The following WDFY4 variants were observed in gnomAD, a reference collection of about 807,000 sequenced individuals.
The protein encoded by WDFY4 is WD repeat- and FYVE domain-containing protein 4.
WDFY4 carries 169 observed loss-of-function variants against 351.9 expected under a neutral mutation model. The observed-to-expected ratio is 0.48, with a 90% CI of 0.42 to 0.55. The LOEUF (loss-of-function observed/expected upper bound fraction) is 0.55, where lower values mean the gene tolerates loss of function less well. Ranked by LOEUF, WDFY4 falls within the 20% of genes least tolerant of loss-of-function variation. The pLI, the probability that WDFY4 is intolerant of heterozygous loss-of-function variation, is 0.00. For synonymous variants in WDFY4, 1,622 were observed against 1,574.6 expected (o/e 1.03, Z -0.71); for missense variants, 3,803 against 3,935.6 (o/e 0.97, Z 0.90).
intron 47 of WDFY4, among the ~76,000 whole-genome samples, chr10:48,907,062 A>C (rs1837651795): frequency 1.3e-5 from 2 of 152,206 alleles, no homozygotes; most frequent in Admixed American, 1.3e-4. Context: ...CAAAAAGAGT[A>C]CTGGGGAACC....
intron 47 of WDFY4, chr10:48,913,836 C>G (rs779947795): frequency 1.2e-6 from 2 of 1,613,884 alleles, no homozygotes; most frequent in Admixed American, 3.3e-5. Flanking sequence ...GCTGGTCAGC[C>G]GGTTGTTGCT....
intron 13 of WDFY4, among the ~76,000 whole-genome samples, chr10:48,771,193 C>T (rs564957508): frequency 2.6e-5 from 4 of 152,332 alleles, no homozygotes; most frequent in African/African-American, 7.2e-5. Flanking sequence ...GTGTAAATAT[C>T]TTTCTTCATA....
At chr10:48,914,104 C>A (rs765342136) in intron 47 of WDFY4, 2 of 1,614,176 alleles carry the variant, frequency 1.2e-6, no homozygotes, top group African/African-American at 1.3e-5. Context: ...CAATTCCTGG[C>A]CACCTTGAGG....
At chr10:48,759,919 C>T (rs575316777) in intron 12 of WDFY4, among the ~76,000 whole-genome samples, 10 of 151,922 alleles carry the variant, frequency 6.6e-5, no homozygotes, top group Non-Finnish European at 1.2e-4. Context: ...ATTCGGTATT[C>T]AGGGGGTGGG....
chr10:48,750,151 A>G (rs140398360), intron 12 of WDFY4, among the ~76,000 whole-genome samples: 90 of 152,350 alleles, frequency 5.9e-4, no homozygotes, highest in African/African-American at 1.8e-3. Flanking sequence ...GGTATGAGTT[A>G]TATCTGTCAC....
chr10:48,913,828 T>C (rs1375728486), intron 47 of WDFY4: 1 of 1,614,012 alleles, frequency 6.2e-7, no homozygotes, highest in African/African-American at 1.3e-5. Context: ...AGCCCGTTGC[T>C]GGTCAGCCGG....
At position 48,787,909 on chromosome 10, in the gene WDFY4, C is replaced by CTTTCTTTCT. The variant is rs1565198732; in HGVS notation, c.3809-619_3809-618insTCTTTCTTT. On this transcript the variant is annotated intron_variant, in intron 20 of 61. Coordinates refer to ENST00000325239, the MANE Select transcript of WDFY4 (RefSeq NM_001394531.1). ...TCTTCTTCTCCTTCTTCTTCTTCTT[C>CTTTCTTTCT]TTCTTCTTCTTCTTCTTCTTCTTCT... is the stretch of plus-strand genomic sequence containing the variant. 7.9e-5 allele frequency among the ~76,000 whole-genome samples: 3 copies of CTTTCTTTCT among 37,750 alleles called. 1 individual carries two copies. Among genetic ancestry groups the CTTTCTTTCT allele is most frequent in the African/African-American group, 3.0e-4 (2 of 6,746 alleles). The allele number at this position is 37,750 out of a possible 152,430, so 24.8% of individuals were successfully genotyped here. A position where few individuals can be genotyped will look rare whatever the true frequency, so the allele number is the denominator to read the frequency against.
At chr10:48,886,281 G>A (rs1401217864) in intron 43 of WDFY4, among the ~76,000 whole-genome samples, 2 of 152,174 alleles carry the variant, frequency 1.3e-5, no homozygotes, top group Non-Finnish European at 2.9e-5. Flanking sequence ...ACTGAGGCCT[G>A]ACTTTAGAAG....
At chr10:48,755,161 A>G (rs545684470) in intron 12 of WDFY4, among the ~76,000 whole-genome samples, 1 of 152,256 alleles carries the variant, frequency 6.6e-6, no homozygotes, top group East Asian at 1.9e-4. Context: ...TACCATATAC[A>G]TGGAAGCATA....
At chr10:48,904,553 C>G (rs905903170) in intron 47 of WDFY4, among the ~76,000 whole-genome samples, 10 of 152,264 alleles carry the variant, frequency 6.6e-5, no homozygotes, top group African/African-American at 2.2e-4. Context: ...AGTGGTGGCT[C>G]TCCCTCTCTC....
intron 47 of WDFY4, among the ~76,000 whole-genome samples, chr10:48,902,132 G>A (rs182826756): frequency 6.6e-6 from 1 of 152,362 alleles, no homozygotes; most frequent in East Asian, 1.9e-4. Context: ...TTGGTGACTG[G>A]GCAGGTGGCA....
intron 11 of WDFY4, among the ~76,000 whole-genome samples, chr10:48,740,687 A>G (rs2064823873): frequency 6.6e-6 from 1 of 152,242 alleles, no homozygotes; most frequent in Non-Finnish European, 1.5e-5. Context: ...GGGAGGAGAA[A>G]GCAGTATCAT....
intron 39 of WDFY4, among the ~76,000 whole-genome samples, chr10:48,834,661 G>T (rs1030915456): frequency 1.3e-5 from 2 of 152,338 alleles, no homozygotes; most frequent in Admixed American, 6.5e-5. Flanking sequence ...TCATCATGGA[G>T]CTTCTCTTCC....
intron 39 of WDFY4, among the ~76,000 whole-genome samples, chr10:48,853,885 G>A (rs1017242292): frequency 6.6e-6 from 1 of 151,928 alleles, no homozygotes; most frequent in African/African-American, 2.4e-5. Context: ...GTTTATCTTC[G>A]TAATCTAGTG....
At chr10:48,981,528 A>C in intron 61 of WDFY4, 50 bp downstream of exon 61, 1 of 1,528,240 alleles carries the variant, frequency 6.5e-7, no homozygotes. Context: ...CACTGCAGCC[A>C]CCTTTAGGAA....
intron 39 of WDFY4, among the ~76,000 whole-genome samples, chr10:48,836,390 C>A (rs2068394509): frequency 6.6e-6 from 1 of 152,144 alleles, no homozygotes; most frequent in South Asian, 2.1e-4. Flanking sequence ...ATTATTCAGG[C>A]ACAAGTGCAT....
intron 19 of WDFY4, among the ~76,000 whole-genome samples, chr10:48,786,052 T>A (rs1245377286): frequency 6.6e-6 from 1 of 152,222 alleles, no homozygotes; most frequent in Non-Finnish European, 1.5e-5. Flanking sequence ...ATTTTCAGTA[T>A]ACAGATCCTC....
At chr10:48,782,678 CA>C (rs1342401776) in intron 19 of WDFY4, among the ~76,000 whole-genome samples, 1 of 152,188 alleles carries the variant, frequency 6.6e-6, no homozygotes, top group African/African-American at 2.4e-5. Flanking sequence ...ATCTGTTGGA[CA>C]AGAGTAAGAT....
At chr10:48,884,637 C>T (rs1226324681) in intron 43 of WDFY4, among the ~76,000 whole-genome samples, 1 of 152,152 alleles carries the variant, frequency 6.6e-6, no homozygotes, top group African/African-American at 2.4e-5. Flanking sequence ...ATACACACCC[C>T]TCTGACTTTT....
Sources: gnomAD v4.1 joint callset for allele counts (sites outside exome capture counted in the v4.1 genomes callset) on GRCh38, gnomAD v4.1.1 for gene constraint, MANE v1.5 for transcripts, NCBI Gene and HGNC (gene_info 2026-07-23, HGNC 2026-07-21) for gene names.